Variants in KIF6 observed in about 807,000 individuals in gnomAD.
KIF6 encodes kinesin-like protein KIF6.
In KIF6, 106 loss-of-function variants were observed where a neutral mutation model predicts 112.7. That is an observed-to-expected ratio of 0.94 (90% CI 0.80 to 1.11). KIF6 has a LOEUF of 1.11. Among genes scored for constraint, KIF6 ranks in the 50% least tolerant of loss-of-function variants. The probability of loss-of-function intolerance (pLI) is 0.00; values close to 1 mark genes in which losing one functional copy is unlikely to be tolerated. For missense variants in KIF6, 929 were observed against 964.0 expected, an observed-to-expected ratio of 0.96 and a Z score of 0.48; for synonymous variants, 339 against 339.9, an observed-to-expected ratio of 1.00 and a Z score of 0.03.
intron 16 of KIF6, among the ~76,000 whole-genome samples, chr6:39,368,104 C>T (rs898387452): frequency 6.6e-6 from 1 of 152,208 alleles, no homozygotes; most frequent in Non-Finnish European, 1.5e-5. Context: ...ACGTCCCCTA[C>T]ATGCCTGCCT....
intron 18 of KIF6, among the ~76,000 whole-genome samples, chr6:39,359,440 A>T (rs1193927394): frequency 6.6e-6 from 1 of 152,252 alleles, no homozygotes; most frequent in Non-Finnish European, 1.5e-5. Context: ...ATATTCAGCG[A>T]TAGGAGATTA....
At chr6:39,615,446 G>A (rs1247715751) in intron 5 of KIF6, among the ~76,000 whole-genome samples, 2 of 152,114 alleles carry the variant, frequency 1.3e-5, no homozygotes, top group Non-Finnish European at 2.9e-5. Context: ...TAATCCAGGT[G>A]TTCCCAAAAG....
intron 5 of KIF6, 144 bp from the exon 6 acceptor site, chr6:39,613,462 G>A: frequency 2.2e-6 from 1 of 452,632 alleles, no homozygotes; most frequent in Non-Finnish European, 3.7e-6. Flanking sequence ...AGACAGCACT[G>A]GATTAGAATC....
intron 2 of KIF6, among the ~76,000 whole-genome samples, chr6:39,719,046 C>T (rs867527851): frequency 6.6e-5 from 10 of 152,148 alleles, no homozygotes; most frequent in East Asian, 1.9e-4. Context: ...AGGCCAGATA[C>T]GGTGGCTCAT....
intron 18 of KIF6, among the ~76,000 whole-genome samples, 164 bp from the exon 19 acceptor site, chr6:39,357,538 T>C (rs1370875521): frequency 1.3e-5 from 2 of 151,524 alleles, no homozygotes; most frequent in African/African-American, 2.4e-5. Context: ...AACCTCTGCC[T>C]TCTGGGTTCA....
intron 13 of KIF6, among the ~76,000 whole-genome samples, chr6:39,453,330 G>C (rs1726831503): frequency 6.6e-6 from 1 of 152,192 alleles, no homozygotes; most frequent in South Asian, 2.1e-4. Context: ...GGTCCAGGGT[G>C]GACTGAAAGG....
intron 10 of KIF6, among the ~76,000 whole-genome samples, 164 bp downstream of exon 10, chr6:39,577,891 GC>G (rs1379126938): frequency 6.6e-6 from 1 of 152,120 alleles, no homozygotes; most frequent in East Asian, 1.9e-4. Flanking sequence ...GCCTTATCCA[GC>G]TTTTCATGGA....
chr6:39,507,434 C>A (rs1266451397), intron 13 of KIF6, among the ~76,000 whole-genome samples: 1 of 152,106 alleles, frequency 6.6e-6, no homozygotes, highest in Non-Finnish European at 1.5e-5. Context: ...CAGGCAGATG[C>A]AGAAGGTCCT....
chr6:39,394,004 ATAAC>A (rs1768072504), intron 15 of KIF6, among the ~76,000 whole-genome samples: 1 of 152,154 alleles, frequency 6.6e-6, no homozygotes, highest in African/African-American at 2.4e-5. Flanking sequence ...ACGTATGTAA[ATAAC>A]TGTGTGTTTG....
At chr6:39,375,636 CT>C (rs1418629519) in intron 16 of KIF6, among the ~76,000 whole-genome samples, 1 of 152,156 alleles carries the variant, frequency 6.6e-6, no homozygotes, top group African/African-American at 2.4e-5. Context: ...CTGGGACTTA[CT>C]TTTTTGGCTG....
At chr6:39,337,676 G>A (rs1300706787) in intron 22 of KIF6, among the ~76,000 whole-genome samples, 1 of 152,018 alleles carries the variant, frequency 6.6e-6, no homozygotes, top group Non-Finnish European at 1.5e-5. Flanking sequence ...TTTTCCTCCA[G>A]ATATTAATTA....
rs534001705 is a variant in KIF6, at chr6:39,584,093, A to G, written c.1077+805T>C. On this transcript the variant is annotated intron_variant, in intron 9 of 22. Transcript: ENST00000287152. ...AATATGGTTCTACTGAATGGCTATT[A>G]GGACTTTTCTTTCTTTCTGAGCTTT... 2.0e-5 allele frequency among the ~76,000 whole-genome samples: 3 copies of G among 152,176 alleles called. No homozygotes were observed. In the East Asian group the frequency reaches 5.8e-4, roughly 29 times the overall value.
intron 3 of KIF6, among the ~76,000 whole-genome samples, chr6:39,662,923 T>C (rs376503917): frequency 1.3e-5 from 2 of 151,742 alleles, no homozygotes; most frequent in African/African-American, 2.4e-5. Context: ...TTTTTTTTTT[T>C]ATAGGGTCTT....
Position 39,694,708 on chromosome 6 carries a change from G to C in KIF6, c.251+19984C>G, listed in dbSNP as rs141421884. Among the ~76,000 whole-genome samples, 50 of 152,274 alleles carry C rather than the reference G, an allele frequency of 3.3e-4. No homozygotes were observed. The East Asian group carries it at 9.6e-3, about 29-fold the overall frequency. ...GAAAAGTATTCTATGTTCATGGATT[G>C]TAAGAATCAATATTACCAAAATGTC... On this transcript the variant is annotated intron_variant, in intron 3 of 22. Transcript: ENST00000287152.
Position 39,553,964 on chromosome 6 carries a change from T to C in KIF6, c.1182-8276A>G, listed in dbSNP as rs541775721. 4.5e-5 allele frequency: 7 copies of C among 155,100 alleles called. No individual in the cohort carries two copies. In the East Asian group the frequency reaches 5.8e-4, roughly 13 times the overall value. 9.6% of individuals were successfully genotyped at this position (155,100 alleles called of 1,614,324 possible). On this transcript the variant is annotated intron_variant, in intron 10 of 22. Transcript: ENST00000287152. ...CCTCAAGCTGGCAGCTGACATCCTA[T>C]CTGTGTGCCAGAAACCGCAGGTTTA...
intron 13 of KIF6, among the ~76,000 whole-genome samples, chr6:39,488,595 A>G (rs1775275154): frequency 6.6e-6 from 1 of 152,190 alleles, no homozygotes; most frequent in South Asian, 2.1e-4. Context: ...CTAAGAGCCT[A>G]CAGACTGTAT....
At chr6:39,538,440 T>C (rs1778575840) in intron 13 of KIF6, among the ~76,000 whole-genome samples, 1 of 151,864 alleles carries the variant, frequency 6.6e-6, no homozygotes, top group Non-Finnish European at 1.5e-5. Context: ...AGAAGACATT[T>C]ATGCAGCCAA....
At chr6:39,558,009 A>G (rs1779811158) in intron 10 of KIF6, among the ~76,000 whole-genome samples, 1 of 151,760 alleles carries the variant, frequency 6.6e-6, no homozygotes, top group African/African-American at 2.4e-5. Flanking sequence ...TAAAAATCAT[A>G]AAACTCTTAC....
intron 3 of KIF6, among the ~76,000 whole-genome samples, chr6:39,653,759 A>G (rs1785605582): frequency 6.6e-6 from 1 of 152,162 alleles, no homozygotes. Context: ...TGACTGTTAA[A>G]GAGGAACAAC....
Sources: allele counts gnomAD v4.1 joint callset (sites outside exome capture counted in the v4.1 genomes callset), GRCh38; gene constraint gnomAD v4.1.1; transcripts MANE v1.5; gene names NCBI Gene and HGNC (gene_info 2026-07-23, HGNC 2026-07-21).